Variants in RALYL observed in about 807,000 individuals in gnomAD.
RALYL encodes RALY RNA binding protein like, also known as RNA-binding Raly-like protein.
RALYL carries 29 observed loss-of-function variants against 35.1 expected under a neutral mutation model. The observed-to-expected ratio is 0.83, with a 90% confidence interval of 0.61 to 1.13. The LOEUF (loss-of-function observed/expected upper bound fraction) is 1.13, where lower values mean the gene tolerates loss of function less well. Among genes scored for constraint, RALYL ranks in the 50% most tolerant of loss-of-function variants. The pLI is 0.00. For synonymous variants in RALYL, 120 were observed against 127.6 expected, an observed-to-expected ratio of 0.94 and a Z score of 0.40; for missense variants, 359 against 360.4, an observed-to-expected ratio of 1.00 and a Z score of 0.03.
chr8:84,555,557 C>A (rs896855531), intron 2 of RALYL, among the ~76,000 whole-genome samples: 3 of 152,152 alleles, frequency 2.0e-5, no homozygotes, highest in Non-Finnish European at 4.4e-5. Flanking sequence ...ACTGGTACAA[C>A]TTCATTCAAG....
chr8:84,288,415 A>C (rs559011776), intron 1 of RALYL, among the ~76,000 whole-genome samples: 6 of 152,270 alleles, frequency 3.9e-5, no homozygotes, highest in Admixed American at 6.5e-5. Context: ...AGTTGTATCT[A>C]TTCAAACTGT....
intron 7 of RALYL, among the ~76,000 whole-genome samples, chr8:84,879,268 G>T (rs1841762862): frequency 6.6e-6 from 1 of 151,770 alleles, no homozygotes; most frequent in Non-Finnish European, 1.5e-5. Flanking sequence ...GAGAAGGAGG[G>T]GTAAGTTTGC....
chr8:84,809,773 G>A (rs1388200656), intron 4 of RALYL, among the ~76,000 whole-genome samples: 2 of 152,010 alleles, frequency 1.3e-5, no homozygotes, highest in Non-Finnish European at 2.9e-5. Context: ...GTGCATAAAG[G>A]TGTTCACAGT....
chr8:84,740,688 A>G (rs1284386654), intron 2 of RALYL, among the ~76,000 whole-genome samples: 1 of 152,012 alleles, frequency 6.6e-6, no homozygotes, highest in African/African-American at 2.4e-5. Flanking sequence ...ATACTCCTGA[A>G]TTTGCGTTAT....
intron 2 of RALYL, among the ~76,000 whole-genome samples, chr8:84,753,640 G>T (rs562216857): frequency 9.2e-5 from 14 of 152,212 alleles, no homozygotes; most frequent in Admixed American, 2.0e-4. Context: ...AGATCTGATT[G>T]TTTAAAAGTG....
chr8:84,704,480 C>CACACACACACAACA (rs145150857), intron 2 of RALYL, among the ~76,000 whole-genome samples: 3 of 139,508 alleles, frequency 2.2e-5, no homozygotes, highest in Non-Finnish European at 4.6e-5. Flanking sequence ...CACACACACA[C>CACACACACACAACA]ACAACAACTC....
At chr8:84,916,963 T>TTTTTCC (rs200172199) in intron 8 of RALYL, among the ~76,000 whole-genome samples, 3,319 of 152,230 alleles carry the variant, frequency 0.022, 123 homozygotes, top group African/African-American at 0.075. Context: ...AAGTTCCTCC[T>TTTTTCC]TTTTCCTTTT....
intron 4 of RALYL, among the ~76,000 whole-genome samples, chr8:84,807,320 C>T (rs1824881435): frequency 6.6e-6 from 1 of 152,170 alleles, no homozygotes; most frequent in Admixed American, 6.5e-5. Context: ...CAGTCTCATC[C>T]AGGTTACTGC....
chr8:84,484,667 A>G (rs556095381), intron 1 of RALYL, among the ~76,000 whole-genome samples: 73 of 152,324 alleles, frequency 4.8e-4, no homozygotes, highest in African/African-American at 1.6e-3. Context: ...TTAACTTTAC[A>G]TATGTAATAT....
chr8:84,366,151 G>A (rs1854223584), intron 1 of RALYL, among the ~76,000 whole-genome samples: 1 of 152,126 alleles, frequency 6.6e-6, no homozygotes, highest in Non-Finnish European at 1.5e-5. Context: ...ATTCTGCTGT[G>A]GAAGGGAGGA....
rs567024520 is a variant in RALYL, at chr8:84,741,277, G to A, written c.257-33302G>A. Reference sequence around the variant, plus strand: ...GCACTGCTTGATGCAGCCTCCTCCAGGGTCACTGCTCATCACTCCATTCCT... The same window carrying A: ...GCACTGCTTGATGCAGCCTCCTCCAAGGTCACTGCTCATCACTCCATTCCT... On this transcript the variant is annotated intron_variant, in intron 2 of 8. Transcript: ENST00000521268. Among the ~76,000 whole-genome samples the A allele has an allele frequency of 3.9e-5, 6 of 152,150 alleles. No homozygotes were observed. The South Asian group carries it at 8.3e-4, about 21-fold the overall frequency.
intron 2 of RALYL, among the ~76,000 whole-genome samples, chr8:84,532,158 G>A (rs2059318255): frequency 6.6e-6 from 1 of 151,980 alleles, no homozygotes; most frequent in Admixed American, 6.6e-5. Flanking sequence ...TACAAAGCAA[G>A]TACATTAAAA....
chr8:84,591,438 G>T (rs149074596), intron 2 of RALYL, among the ~76,000 whole-genome samples: 1 of 152,254 alleles, frequency 6.6e-6, no homozygotes, highest in Non-Finnish European at 1.5e-5. Context: ...ATGCAGATGG[G>T]CCCAGATAGT....
intron 2 of RALYL, among the ~76,000 whole-genome samples, chr8:84,701,541 T>A (rs529082813): frequency 6.6e-6 from 1 of 152,294 alleles, no homozygotes; most frequent in East Asian, 1.9e-4. Context: ...GAAAACCAGA[T>A]AAAGATGTCA....
At chr8:84,620,077 G>C (rs1820951442) in intron 2 of RALYL, among the ~76,000 whole-genome samples, 1 of 151,972 alleles carries the variant, frequency 6.6e-6, no homozygotes, top group South Asian at 2.1e-4. Flanking sequence ...GTGTCTTGGA[G>C]TTGCTCTTCT....
intron 5 of RALYL, among the ~76,000 whole-genome samples, chr8:84,854,685 G>C (rs1410717919): frequency 1.3e-5 from 2 of 152,118 alleles, no homozygotes; most frequent in African/African-American, 4.8e-5. Context: ...TCGTTAAGTC[G>C]GTATTAAAGA....
chr8:84,522,941 C>T (rs2058576328), intron 1 of RALYL, among the ~76,000 whole-genome samples: 1 of 152,032 alleles, frequency 6.6e-6, no homozygotes. Context: ...TCCATGGATA[C>T]ACAGTTCCAC....
intron 1 of RALYL, among the ~76,000 whole-genome samples, chr8:84,317,375 A>G (rs1339664573): frequency 2.0e-5 from 3 of 152,290 alleles, no homozygotes; most frequent in East Asian, 3.9e-4. Context: ...GATTTTTACC[A>G]TCTTGCTGCC....
At chr8:84,484,311 G>C (rs2054371016) in intron 1 of RALYL, among the ~76,000 whole-genome samples, 1 of 152,074 alleles carries the variant, frequency 6.6e-6, no homozygotes, top group Admixed American at 6.6e-5. Flanking sequence ...AATCTTCTCA[G>C]AGTTCTTGAA....
Sources: allele counts gnomAD v4.1 joint callset (sites outside exome capture counted in the v4.1 genomes callset), GRCh38; gene constraint gnomAD v4.1.1; transcripts MANE v1.5; gene names NCBI Gene and HGNC (gene_info 2026-07-23, HGNC 2026-07-21).